TENM4: variants seen among roughly 807,000 people sequenced by gnomAD.
TENM4 encodes teneurin transmembrane protein 4.
TENM4 carries 82 observed loss-of-function variants against 243.3 expected under a neutral mutation model. The ratio of observed to expected loss-of-function variants is 0.34; its 90% confidence interval spans 0.28 to 0.40. The LOEUF is 0.40. TENM4 is among the 10% of genes least tolerant of loss of function. The pLI, the probability that TENM4 is intolerant of heterozygous loss-of-function variation, is 1.00. For missense variants in TENM4, 3,138 were observed against 3,673.3 expected, an observed-to-expected ratio of 0.85 and a Z score of 3.77; for synonymous variants, 1,412 against 1,456.3, an observed-to-expected ratio of 0.97 and a Z score of 0.69.
intron 3 of TENM4, among the ~76,000 whole-genome samples, chr11:79,207,851 G>A (rs1198334531): frequency 3.2e-5 from 4 of 126,576 alleles, no homozygotes; most frequent in Non-Finnish European, 6.3e-5. Flanking sequence ...GGATGACAGA[G>A]CCAGACTCTG....
chr11:79,369,917 T>G (rs1476309914), intron 1 of TENM4, among the ~76,000 whole-genome samples: 1 of 152,198 alleles, frequency 6.6e-6, no homozygotes, highest in Non-Finnish European at 1.5e-5. Flanking sequence ...CAGGACTGTC[T>G]GTCTCCAAAG....
At chr11:78,720,128 T>C (rs1436387789) in intron 25 of TENM4, among the ~76,000 whole-genome samples, 4 of 152,198 alleles carry the variant, frequency 2.6e-5, no homozygotes, top group Non-Finnish European at 5.9e-5. Flanking sequence ...TTCTTTCCCA[T>C]ATTACTTTCA....
intron 1 of TENM4, among the ~76,000 whole-genome samples, chr11:79,331,114 T>C (rs1857054185): frequency 6.6e-6 from 1 of 152,190 alleles, no homozygotes; most frequent in Non-Finnish European, 1.5e-5. Context: ...GTTAGAGAAC[T>C]GTGTAGGGAC....
intron 14 of TENM4, among the ~76,000 whole-genome samples, chr11:78,810,600 TCAGA>T (rs1857477193): frequency 6.6e-6 from 1 of 152,208 alleles, no homozygotes; most frequent in Non-Finnish European, 1.5e-5. Flanking sequence ...TCCTTCTCTC[TCAGA>T]CAGCCCAAAG....
In TENM4 at chr11:78,722,778, C is replaced by T; in HGVS notation, c.3690G>A (p.Leu1230=). The change falls in exon 24 of 34, where the codon CTG becomes CTA. Residue 1230 remains leucine (L), a synonymous_variant. Coordinates refer to ENST00000278550, the MANE Select transcript of TENM4 (RefSeq NM_001098816.3). Reference sequence around the variant, plus strand: ...AGCCACAGGTGAGGGCCACTGGGGCCAGGAGCTTGTTGCCGTCAGCAAGGC... The same window carrying T: ...AGCCACAGGTGAGGGCCACTGGGGCTAGGAGCTTGTTGCCGTCAGCAAGGC... ...CNGLADGNKL[L]APVALTCGSD... is the part of the protein sequence containing the mutation. 3 of 1,614,062 alleles carry T rather than the reference C, an allele frequency of 1.9e-6. No individual in the cohort carries two copies. The highest frequency in any genetic ancestry group is 2.5e-6 in the Non-Finnish European group (3 of 1,179,888).
rs1013302995 is a variant in TENM4, at chr11:78,676,292, A to G, written c.5356T>C (p.Leu1786=). The G allele has an allele frequency of 2.5e-6, 4 of 1,612,668 alleles. No individual in the cohort carries two copies. The highest frequency in any genetic ancestry group is 3.3e-5 in the Admixed American group (2 of 59,994). Residue 1786 remains leucine (L), a synonymous_variant, in exon 30 of 34, where the codon TTG becomes CTG. Transcript: ENST00000278550. Reference sequence around the variant, plus strand: ...GTGGGGTTGACGGTGCCAGCCAGCAAGTGGGGCTCAGTCTGCAGCGCCACC... The same window carrying G: ...GTGGGGTTGACGGTGCCAGCCAGCAGGTGGGGCTCAGTCTGCAGCGCCACC... ...MEVALQTEPH[L]LAGTVNPTVG...
intron 23 of TENM4, among the ~76,000 whole-genome samples, chr11:78,725,288 A>G (rs1306643330): frequency 1.3e-5 from 2 of 152,182 alleles, no homozygotes; most frequent in Non-Finnish European, 2.9e-5. Flanking sequence ...TAGTTTGTCA[A>G]TTCCCCCTGA....
chr11:78,995,887 A>C (rs1235947610), intron 6 of TENM4, among the ~76,000 whole-genome samples: 1 of 152,098 alleles, frequency 6.6e-6, no homozygotes, highest in Non-Finnish European at 1.5e-5. Flanking sequence ...CACCTGCACA[A>C]TGGGGGATAA....
chr11:79,056,550 A>G (rs936899236), intron 6 of TENM4, among the ~76,000 whole-genome samples: 7 of 152,052 alleles, frequency 4.6e-5, no homozygotes, highest in Non-Finnish European at 1.0e-4. Flanking sequence ...AGGAGGCCCC[A>G]GGTCAAACTT....
chr11:79,190,772 C>G (rs1863463643), intron 3 of TENM4, among the ~76,000 whole-genome samples: 1 of 144,092 alleles, frequency 6.9e-6, no homozygotes. Flanking sequence ...ATTTTCGTCC[C>G]TCTCCCTCTC....
chr11:79,084,340 T>TTA (rs1555005124), intron 4 of TENM4, among the ~76,000 whole-genome samples: 1 of 152,236 alleles, frequency 6.6e-6, no homozygotes, highest in Non-Finnish European at 1.5e-5. Context: ...ATGCAATTAC[T>TTA]GTACAACCTA....
At chr11:79,340,845 C>T (rs542389329) in intron 1 of TENM4, among the ~76,000 whole-genome samples, 1 of 150,472 alleles carries the variant, frequency 6.6e-6, no homozygotes, top group Non-Finnish European at 1.5e-5. Context: ...TCCCCACCAA[C>T]AAAAAAAAAT....
At chr11:79,128,160 A>C (rs563451165) in intron 4 of TENM4, among the ~76,000 whole-genome samples, 18 of 152,344 alleles carry the variant, frequency 1.2e-4, no homozygotes, top group Non-Finnish European at 2.9e-5. Flanking sequence ...AGCCTTTGGC[A>C]GGCCCTCATA....
At chr11:79,294,096 A>G (rs1024640217) in intron 2 of TENM4, among the ~76,000 whole-genome samples, 1 of 152,220 alleles carries the variant, frequency 6.6e-6, no homozygotes, top group African/African-American at 2.4e-5. Context: ...CCTGTCTTTA[A>G]TGCATGGCTA....
intron 1 of TENM4, among the ~76,000 whole-genome samples, chr11:79,417,321 C>G (rs1858838271): frequency 6.6e-6 from 1 of 152,154 alleles, no homozygotes; most frequent in Admixed American, 6.5e-5. Context: ...GGTCAGCCAG[C>G]CTCTTTGGAC....
At chr11:78,899,571 G>GGGGAAAAAAAAAAA (rs1565430077) in intron 7 of TENM4, among the ~76,000 whole-genome samples, 1 of 79,378 alleles carries the variant, frequency 1.3e-5, no homozygotes, top group Non-Finnish European at 2.7e-5. Context: ...GGGGGGGGGG[G>GGGGAAAAAAAAAAA]AAAAAGAAAA....
chr11:78,864,452 A>AG (rs1293510915), intron 9 of TENM4, among the ~76,000 whole-genome samples: 2 of 144,244 alleles, frequency 1.4e-5, no homozygotes, highest in Non-Finnish European at 3.1e-5. Context: ...AAAAAAAAAA[A>AG]AAAAAAAAAA....
At chr11:79,297,743 C>T (rs1455217946) in intron 1 of TENM4, among the ~76,000 whole-genome samples, 200 bp from the exon 2 acceptor site, 1 of 152,112 alleles carries the variant, frequency 6.6e-6, no homozygotes, top group African/African-American at 2.4e-5. Context: ...AGTTATGTGT[C>T]AAGCAGGACG....
intron 6 of TENM4, among the ~76,000 whole-genome samples, chr11:78,905,846 A>C (rs1856049700): frequency 6.6e-6 from 1 of 152,220 alleles, no homozygotes; most frequent in African/African-American, 2.4e-5. Context: ...GACGAGAAAG[A>C]AGGTGAGAAT....
Sources: allele counts gnomAD v4.1 joint callset (sites outside exome capture counted in the v4.1 genomes callset), GRCh38; gene constraint gnomAD v4.1.1; transcripts MANE v1.5; gene names NCBI Gene and HGNC (gene_info 2026-07-23, HGNC 2026-07-21).